The following GAS7 variants were observed in gnomAD, a reference collection of about 807,000 sequenced individuals.
GAS7 encodes growth arrest specific 7.
Under a neutral mutation model 71.1 loss-of-function variants are expected in GAS7, and 28 were observed. The observed-to-expected ratio is 0.39, with a 90% confidence interval of 0.29 to 0.54. The LOEUF is 0.54. Among genes scored for constraint, GAS7 ranks in the 20% least tolerant of loss-of-function variants. The pLI is 0.62. For missense variants in GAS7, 436 were observed against 627.8 expected, an observed-to-expected ratio of 0.69 and a Z score of 3.27; for synonymous variants, 258 against 245.8, an observed-to-expected ratio of 1.05 and a Z score of -0.46.
At chr17:10,030,055 T>C (rs925428658) in intron 1 of GAS7, among the ~76,000 whole-genome samples, 1 of 152,162 alleles carries the variant, frequency 6.6e-6, no homozygotes, top group Non-Finnish European at 1.5e-5. Context: ...TTGGCATCCA[T>C]CCTCTGTCCT....
chr17:10,009,853 T>A (rs1422842178), intron 2 of GAS7, among the ~76,000 whole-genome samples: 1 of 151,998 alleles, frequency 6.6e-6, no homozygotes, highest in Non-Finnish European at 1.5e-5. Flanking sequence ...AATTTTCAAC[T>A]CTCCTGGACT....
Position 10,092,600 on chromosome 17 carries a change from A to C in GAS7, c.184-72703T>G, listed in dbSNP as rs147423703. On this transcript the variant is annotated intron_variant, in intron 1 of 13. Coordinates refer to ENST00000432992, the MANE Select transcript of GAS7 (RefSeq NM_201433.2). ...GACTTTGACAAGTGCTTGCTGCATT[A>C]GTTTCATATGACTGCTGTAACAATC... 8.5e-5 allele frequency among the ~76,000 whole-genome samples: 13 copies of C among 152,362 alleles called. No individual in the cohort carries two copies. In the East Asian group the frequency reaches 2.5e-3, roughly 29 times the overall value.
At chr17:10,132,870 T>G (rs969342722) in intron 1 of GAS7, among the ~76,000 whole-genome samples, 1 of 152,088 alleles carries the variant, frequency 6.6e-6, no homozygotes, top group Non-Finnish European at 1.5e-5. Context: ...TTTCATCCCC[T>G]TCTTTCAAAC....
intron 4 of GAS7, among the ~76,000 whole-genome samples, chr17:9,963,061 A>T (rs938732655): frequency 6.6e-6 from 1 of 151,982 alleles, no homozygotes; most frequent in African/African-American, 2.4e-5. Flanking sequence ...AAAGAAAAAA[A>T]GGTGTAAGGG....
At chr17:10,031,742 G>T (rs1237384582) in intron 1 of GAS7, among the ~76,000 whole-genome samples, 1 of 152,244 alleles carries the variant, frequency 6.6e-6, no homozygotes, top group African/African-American at 2.4e-5. Flanking sequence ...CTCTGAATGT[G>T]AGCATGTTTC....
chr17:10,099,741 C>T (rs1007399055), intron 1 of GAS7, among the ~76,000 whole-genome samples: 4 of 152,138 alleles, frequency 2.6e-5, no homozygotes, highest in African/African-American at 9.7e-5. Context: ...GGGTGCAGCA[C>T]CTAAGTGTCC....
At chr17:10,005,338 C>A in intron 2 of GAS7, among the ~76,000 whole-genome samples, 1 of 151,476 alleles carries the variant, frequency 6.6e-6, no homozygotes, top group South Asian at 2.1e-4. Flanking sequence ...TACACACACA[C>A]ACACACACAT....
intron 2 of GAS7, among the ~76,000 whole-genome samples, chr17:10,011,630 A>T (rs1280945037): frequency 2.0e-5 from 3 of 152,176 alleles, no homozygotes; most frequent in Admixed American, 1.3e-4. Flanking sequence ...TAAGGTGTTA[A>T]CACTCAATCC....
intron 1 of GAS7, among the ~76,000 whole-genome samples, chr17:10,176,229 G>T (rs942145060): frequency 1.4e-4 from 19 of 139,420 alleles, no homozygotes; most frequent in African/African-American, 5.0e-4. Flanking sequence ...CAGGGAGGAG[G>T]TCTTAGGAGG....
chr17:10,024,105 CAG>C (rs1387823443), intron 1 of GAS7, among the ~76,000 whole-genome samples: 4 of 152,092 alleles, frequency 2.6e-5, no homozygotes, highest in African/African-American at 9.7e-5. Context: ...GCCTGGGTGA[CAG>C]AGTGAGACTC....
At chr17:9,934,650 C>G (rs1597478940) in intron 8 of GAS7, among the ~76,000 whole-genome samples, 2 of 152,196 alleles carry the variant, frequency 1.3e-5, no homozygotes, top group East Asian at 3.9e-4. Flanking sequence ...TCACCCCTCC[C>G]TGGTTTGCTG....
chr17:9,924,463 C>T (rs1377269462), intron 11 of GAS7, among the ~76,000 whole-genome samples: 1 of 152,108 alleles, frequency 6.6e-6, no homozygotes, highest in African/African-American at 2.4e-5. Flanking sequence ...TTAGCCACTG[C>T]ACCTGGCCTA....
chr17:10,068,946 G>A (rs905861346), intron 1 of GAS7, among the ~76,000 whole-genome samples: 2 of 152,160 alleles, frequency 1.3e-5, no homozygotes, highest in Admixed American at 6.5e-5. Context: ...GTAAAACACT[G>A]TCTAGCAGGT....
chr17:10,171,151 G>A (rs919456487), intron 1 of GAS7, among the ~76,000 whole-genome samples: 11 of 152,168 alleles, frequency 7.2e-5, no homozygotes, highest in African/African-American at 2.7e-4. Context: ...CATCCCTTCA[G>A]TCAGAATCTT....
At chr17:10,025,988 A>C (rs2072449403) in intron 1 of GAS7, among the ~76,000 whole-genome samples, 1 of 152,212 alleles carries the variant, frequency 6.6e-6, no homozygotes, top group South Asian at 2.1e-4. Flanking sequence ...ACTATTTAAC[A>C]GACGGTGGAG....
intron 1 of GAS7, among the ~76,000 whole-genome samples, chr17:10,141,048 T>C (rs1283925458): frequency 6.6e-6 from 1 of 152,212 alleles, no homozygotes; most frequent in Non-Finnish European, 1.5e-5. Flanking sequence ...ACAGAAAGGC[T>C]GCTTCTGGGG....
intron 1 of GAS7, among the ~76,000 whole-genome samples, chr17:10,197,684 C>G (rs2074550595): frequency 1.3e-5 from 2 of 152,044 alleles, no homozygotes; most frequent in Non-Finnish European, 2.9e-5. Flanking sequence ...GGCTGGTGGC[C>G]AGCAGGCTCG....
intron 1 of GAS7, among the ~76,000 whole-genome samples, chr17:10,041,661 T>C (rs2072872731): frequency 6.6e-6 from 1 of 152,204 alleles, no homozygotes; most frequent in Non-Finnish European, 1.5e-5. Flanking sequence ...AGCATCTCAA[T>C]CCAGAAGTCA....
intron 5 of GAS7, among the ~76,000 whole-genome samples, chr17:9,955,975 G>A (rs988703829): frequency 6.6e-6 from 1 of 152,204 alleles, no homozygotes; most frequent in African/African-American, 2.4e-5. Context: ...AGAAGCACAT[G>A]GGCTGCCTCC....
Sources: allele counts gnomAD v4.1 joint callset (sites outside exome capture counted in the v4.1 genomes callset), GRCh38; gene constraint gnomAD v4.1.1; transcripts MANE v1.5; gene names NCBI Gene and HGNC (gene_info 2026-07-23, HGNC 2026-07-21).